The following SLC39A11 variants were observed in gnomAD, a reference collection of about 807,000 sequenced individuals.
SLC39A11 encodes zinc transporter ZIP11.
In SLC39A11, 33 loss-of-function variants were observed where a neutral mutation model predicts 36.1. The ratio of observed to expected loss-of-function variants is 0.91; its 90% CI spans 0.69 to 1.22. The LOEUF (loss-of-function observed/expected upper bound fraction) is 1.22. Ranked by LOEUF, SLC39A11 falls within the 50% of genes most tolerant of loss-of-function variation. The pLI, the probability that SLC39A11 is intolerant of heterozygous loss-of-function variation, is 0.00. For missense variants in SLC39A11, 432 were observed against 430.3 expected, an observed-to-expected ratio of 1.00 and a Z score of -0.03; for synonymous variants, 166 against 170.3, an observed-to-expected ratio of 0.97 and a Z score of 0.20.
At chr17:72,703,476 G>A (rs2072742977) in intron 7 of SLC39A11, among the ~76,000 whole-genome samples, 1 of 152,086 alleles carries the variant, frequency 6.6e-6, no homozygotes, top group Non-Finnish European at 1.5e-5. Context: ...TGGGGTAAAG[G>A]TAACATGGGG....
chr17:72,773,671 ACACACACC>A lies in SLC39A11; in HGVS notation c.602-36960_602-36953del, dbSNP rs368566473. On this transcript the variant is annotated intron_variant, in intron 6 of 9. Coordinates refer to ENST00000255559, the MANE Select transcript of SLC39A11 (RefSeq NM_139177.4). ...CACACACACACACACACACACACAC[ACACACACC>A]CAGTATATAAAGGATATCAGTGTCA... Among the ~76,000 whole-genome samples, 1,056 of 151,066 alleles carry A rather than the reference ACACACACC, an allele frequency of 7.0e-3. 12 individuals carry two copies. The highest frequency in any genetic ancestry group is 0.024 in the African/African-American group (988 of 40,966).
intron 3 of SLC39A11, among the ~76,000 whole-genome samples, chr17:73,049,800 C>A (rs1374731489): frequency 6.6e-6 from 1 of 152,114 alleles, no homozygotes; most frequent in African/African-American, 2.4e-5. Flanking sequence ...AGACAAGAAA[C>A]TCAAGAGAAC....
chr17:73,090,171 G>C (rs2060878716), intron 1 of SLC39A11, among the ~76,000 whole-genome samples: 1 of 152,178 alleles, frequency 6.6e-6, no homozygotes, highest in Non-Finnish European at 1.5e-5. Flanking sequence ...GATTGACCCT[G>C]GAAGGAAACC....
At chr17:73,080,879 A>C (rs2060485202) in intron 3 of SLC39A11, among the ~76,000 whole-genome samples, 1 of 152,110 alleles carries the variant, frequency 6.6e-6, no homozygotes, top group African/African-American at 2.4e-5. Flanking sequence ...CTGGTGACAG[A>C]GGATGCAGTG....
At chr17:72,938,067 G>A (rs913249995) in intron 5 of SLC39A11, among the ~76,000 whole-genome samples, 4 of 152,190 alleles carry the variant, frequency 2.6e-5, no homozygotes, top group South Asian at 2.1e-4. Flanking sequence ...TCAAAATCAC[G>A]TTGCAACTCT....
intron 7 of SLC39A11, among the ~76,000 whole-genome samples, chr17:72,708,214 G>A (rs79846646): frequency 0.018 from 2,701 of 152,270 alleles, 58 homozygotes; most frequent in East Asian, 0.063. Flanking sequence ...TTTTTGTGAG[G>A]GCTTTTGGAT....
At position 72,729,441 on chromosome 17, in the gene SLC39A11, ATATATATATATATATATTTTT is replaced by A. The variant is rs1418290875; in HGVS notation, c.671+7188_671+7208del. Among the ~76,000 whole-genome samples the A allele has an allele frequency of 8.9e-3, 20 of 2,236 alleles. 1 individual carries two copies. The highest frequency in any genetic ancestry group is 0.028 in the African/African-American group (18 of 650). 1.5% of individuals were successfully genotyped at this position (2,236 alleles called of 152,430 possible). A position where few individuals can be genotyped will look rare whatever the true frequency, so the allele number is the denominator to read the frequency against. ...TATATATATATATATATATATATAT[ATATATATATATATATATTTTT>A]TTTTTTTTTTTTTTTTGTAGAGACA... On this transcript the variant is annotated intron_variant, in intron 7 of 9. Coordinates refer to ENST00000255559, the MANE Select transcript of SLC39A11 (RefSeq NM_139177.4).
rs142125936 is a variant in SLC39A11, at chr17:72,699,016, A to G, written c.671+37634T>C. Among the ~76,000 whole-genome samples, 1,337 of 152,122 alleles carry G rather than the reference A, an allele frequency of 8.8e-3. 23 individuals carry two copies. Among genetic ancestry groups the G allele is most frequent in the African/African-American group, 0.029 (1,202 of 41,492 alleles). On this transcript the variant is annotated intron_variant, in intron 7 of 9. Transcript: ENST00000255559. Reference sequence around the variant, plus strand: ...TAGATAATTTTTGTATTTTTAGTAGAGACGGGGTTTCACCATGTTAGCCAG... The same window carrying G: ...TAGATAATTTTTGTATTTTTAGTAGGGACGGGGTTTCACCATGTTAGCCAG...
chr17:72,727,651 CAAAAAAAAAA>C (rs57874434), intron 7 of SLC39A11, among the ~76,000 whole-genome samples: 3 of 73,178 alleles, frequency 4.1e-5, no homozygotes, highest in Admixed American at 3.0e-4. Flanking sequence ...GACTCCGTCT[CAAAAAAAAAA>C]AAAAAAAAAA....
chr17:72,931,618 G>A (rs1278062122), intron 5 of SLC39A11, among the ~76,000 whole-genome samples: 1 of 152,220 alleles, frequency 6.6e-6, no homozygotes, highest in Non-Finnish European at 1.5e-5. Context: ...CCCTCCCCAG[G>A]TGTCCTTATT....
At chr17:72,937,778 G>C (rs1285521279) in intron 5 of SLC39A11, among the ~76,000 whole-genome samples, 1 of 152,174 alleles carries the variant, frequency 6.6e-6, no homozygotes, top group Non-Finnish European at 1.5e-5. Flanking sequence ...AGATTGACTT[G>C]AGCAAACCTC....
At chr17:72,677,114 C>T (rs1018866490) in intron 7 of SLC39A11, among the ~76,000 whole-genome samples, 5 of 152,164 alleles carry the variant, frequency 3.3e-5, no homozygotes, top group African/African-American at 9.7e-5. Flanking sequence ...AAGCAGCAGC[C>T]GCAGTGGCTG....
rs2072297979 is a variant in SLC39A11, at chr17:72,696,275, C to T, written c.671+40375G>A. On this transcript the variant is annotated intron_variant, in intron 7 of 9. Coordinates refer to ENST00000255559, the MANE Select transcript of SLC39A11 (RefSeq NM_139177.4). ...CCTGAGTCCCCACCTGGCTCCTTAC[C>T]CCGGCCTCTGAGTCTACTTGCTCCT... Among the ~76,000 whole-genome samples the T allele has an allele frequency of 2.6e-5, 4 of 152,110 alleles. No individual in the cohort carries two copies. The South Asian group carries it at 8.3e-4, about 32-fold the overall frequency.
intron 4 of SLC39A11, among the ~76,000 whole-genome samples, chr17:72,987,909 T>G (rs2088877602): frequency 6.6e-6 from 1 of 152,198 alleles, no homozygotes; most frequent in African/African-American, 2.4e-5. Flanking sequence ...AAAGCCTACT[T>G]TCCATTATTA....
chr17:72,844,511 A>C (rs2078965320), intron 6 of SLC39A11, among the ~76,000 whole-genome samples: 1 of 152,180 alleles, frequency 6.6e-6, no homozygotes, highest in African/African-American at 2.4e-5. Context: ...TCAACCAAAA[A>C]TACAAAAAGT....
intron 6 of SLC39A11, among the ~76,000 whole-genome samples, chr17:72,747,224 C>T (rs544471625): frequency 6.6e-6 from 1 of 152,166 alleles, no homozygotes; most frequent in South Asian, 2.1e-4. Context: ...GCTCTGTCAC[C>T]CAAGCTGGAG....
chr17:73,068,398 G>T (rs1297521291), intron 3 of SLC39A11: 1 of 453,486 alleles, frequency 2.2e-6, no homozygotes. Flanking sequence ...CAAAAGCAGA[G>T]AAGCAGGAAA....
intron 4 of SLC39A11, among the ~76,000 whole-genome samples, chr17:72,997,236 G>T (rs560516720): frequency 1.3e-5 from 2 of 152,246 alleles, no homozygotes; most frequent in South Asian, 2.1e-4. Flanking sequence ...CTGCTGCAAG[G>T]TCTCTTTAAC....
intron 7 of SLC39A11, among the ~76,000 whole-genome samples, chr17:72,668,863 T>C (rs2070871051): frequency 6.6e-6 from 1 of 152,214 alleles, no homozygotes; most frequent in South Asian, 2.1e-4. Context: ...GACAGCCAGT[T>C]CTCAGGGCCC....
Sources: allele counts gnomAD v4.1 joint callset (sites outside exome capture counted in the v4.1 genomes callset), GRCh38; gene constraint gnomAD v4.1.1; transcripts MANE v1.5; gene names NCBI Gene and HGNC (gene_info 2026-07-23, HGNC 2026-07-21).